Variants in LYPD6 observed in about 807,000 individuals in gnomAD.
LYPD6 encodes ly6/PLAUR domain-containing protein 6.
A neutral mutation model predicts 22.7 loss-of-function variants in LYPD6; 15 were observed. That is an observed-to-expected ratio of 0.66 (90% CI 0.44 to 1.02). The LOEUF (loss-of-function observed/expected upper bound fraction) is 1.02. Ranked by LOEUF, LYPD6 falls within the 50% of genes least tolerant of loss-of-function variation. LYPD6 has a pLI of 0.00. For synonymous variants in LYPD6, 72 were observed against 77.5 expected (o/e 0.93, Z 0.37); for missense variants, 189 against 208.4 (o/e 0.91, Z 0.57).
chr2:149,455,035 G>A (rs1476348848), intron 3 of LYPD6, among the ~76,000 whole-genome samples: 1 of 151,956 alleles, frequency 6.6e-6, no homozygotes, highest in East Asian at 1.9e-4. Context: ...TGCCTCGAGG[G>A]GAGAACAGGT....
downstream of LYPD6, among the ~76,000 whole-genome samples, chr2:149,474,916 C>A (rs1178580340): frequency 6.6e-6 from 1 of 152,068 alleles, no homozygotes; most frequent in Non-Finnish European, 1.5e-5. Context: ...TTACAGGTGT[C>A]TGCCACCACG....
chr2:149,354,969 T>C (rs1010926147), intron 1 of LYPD6, among the ~76,000 whole-genome samples: 1 of 152,192 alleles, frequency 6.6e-6, no homozygotes, highest in South Asian at 2.1e-4. Flanking sequence ...CATAGACTTA[T>C]GAGCATAGAG....
downstream of LYPD6, among the ~76,000 whole-genome samples, chr2:149,476,966 G>T (rs926118564): frequency 2.0e-5 from 3 of 152,152 alleles, no homozygotes; most frequent in Non-Finnish European, 4.4e-5. Context: ...TGGGGAGAGG[G>T]ATCATGCTTG....
At chr2:149,475,732 A>G (rs758725028), downstream of LYPD6, among the ~76,000 whole-genome samples, 12 of 152,298 alleles carry the variant, frequency 7.9e-5, no homozygotes, top group Non-Finnish European at 1.8e-4. Context: ...CCTCTTTTCT[A>G]TTACCCCAGT....
At chr2:149,397,184 A>C (rs770006686) in intron 1 of LYPD6, among the ~76,000 whole-genome samples, 1 of 152,198 alleles carries the variant, frequency 6.6e-6, no homozygotes, top group Non-Finnish European at 1.5e-5. Flanking sequence ...ATGTATTATT[A>C]TCTCTCATAG....
intron 1 of LYPD6, among the ~76,000 whole-genome samples, chr2:149,347,346 T>G (rs1681276580): frequency 6.6e-6 from 1 of 152,156 alleles, no homozygotes. Context: ...TGTATGAATT[T>G]TGGGGGACAC....
chr2:149,401,608 CTACTT>C (rs1377804458), intron 1 of LYPD6, among the ~76,000 whole-genome samples: 1 of 152,172 alleles, frequency 6.6e-6, no homozygotes, highest in Non-Finnish European at 1.5e-5. Flanking sequence ...GTGGAAATCT[CTACTT>C]TAGGAATATT....
At chr2:149,341,268 A>T (rs1213825599) in intron 1 of LYPD6, among the ~76,000 whole-genome samples, 1 of 152,098 alleles carries the variant, frequency 6.6e-6, no homozygotes, top group Non-Finnish European at 1.5e-5. Context: ...GTGTCCTTCC[A>T]TCCATTATTC....
At chr2:149,458,704 A>G (rs539669101) in intron 3 of LYPD6, among the ~76,000 whole-genome samples, 1 of 152,248 alleles carries the variant, frequency 6.6e-6, no homozygotes, top group African/African-American at 2.4e-5. Context: ...ACTTGAAACA[A>G]ATTTTTAAAA....
chr2:149,423,400 G>A lies in LYPD6; in HGVS notation c.-71-14238G>A, dbSNP rs1201518636. 3.3e-5 allele frequency among the ~76,000 whole-genome samples: 5 copies of A among 152,172 alleles called. No homozygotes were observed. In the East Asian group the frequency reaches 9.6e-4, roughly 29 times the overall value. On this transcript the variant is annotated intron_variant, in intron 1 of 4. Transcript: ENST00000334166. ...GTATCAGGCTGCATGATGAAGGGGGGAAATTTTGATAGGTGGGATGCAGAT... is the reference window on the plus strand; with the variant it reads ...GTATCAGGCTGCATGATGAAGGGGGAAAATTTTGATAGGTGGGATGCAGAT...
chr2:149,464,425 G>A (rs74399836), intron 3 of LYPD6: 2,181 of 199,358 alleles, frequency 0.011, 12 homozygotes, highest in Non-Finnish European at 0.017. Context: ...ATGTCTCAAG[G>A]TATATACGAG....
intron 1 of LYPD6, among the ~76,000 whole-genome samples, chr2:149,433,966 C>A (rs1215018232): frequency 2.0e-5 from 3 of 152,116 alleles, no homozygotes; most frequent in African/African-American, 7.2e-5. Context: ...CCCACCATTT[C>A]TTTTTATTAT....
chr2:149,474,683 T>C (rs780570419), downstream of LYPD6, among the ~76,000 whole-genome samples: 13 of 152,218 alleles, frequency 8.5e-5, no homozygotes, highest in Non-Finnish European at 1.5e-4. Context: ...CTGTCTTTAA[T>C]GTAAGTGGTA....
chr2:149,372,736 C>T (rs1292718054), intron 1 of LYPD6, among the ~76,000 whole-genome samples: 1 of 152,058 alleles, frequency 6.6e-6, no homozygotes, highest in Non-Finnish European at 1.5e-5. Context: ...TAGTAGATTC[C>T]TGTGAAGAGG....
the LYPD6 span, among the ~76,000 whole-genome samples, chr2:149,482,684 G>A: frequency 6.6e-6 from 1 of 152,146 alleles, no homozygotes; most frequent in Admixed American, 6.5e-5. Context: ...GCTGGTTTAG[G>A]GTAGTTGAGC....
intron 1 of LYPD6, among the ~76,000 whole-genome samples, chr2:149,337,166 C>G (rs1681050479): frequency 1.3e-5 from 2 of 152,174 alleles, no homozygotes; most frequent in Admixed American, 6.5e-5. Context: ...TCCTTTCTGA[C>G]TGTGTAGTGC....
chr2:149,445,704 A>G (rs1683672462), intron 2 of LYPD6, among the ~76,000 whole-genome samples: 1 of 152,186 alleles, frequency 6.6e-6, no homozygotes, highest in South Asian at 2.1e-4. Flanking sequence ...TAGGACCTTG[A>G]CTTGGATTAG....
intron 1 of LYPD6, among the ~76,000 whole-genome samples, chr2:149,423,431 G>A (rs148799287): frequency 6.6e-6 from 1 of 152,248 alleles, no homozygotes; most frequent in African/African-American, 2.4e-5. Flanking sequence ...CAGATTTGGG[G>A]TAGATTTTAA....
At chr2:149,352,116 C>T (rs1156704516) in intron 1 of LYPD6, among the ~76,000 whole-genome samples, 3 of 151,924 alleles carry the variant, frequency 2.0e-5, no homozygotes, top group Middle Eastern at 3.2e-3. Flanking sequence ...GCTTCACTTG[C>T]CATCTAAATG....
Sources: allele counts gnomAD v4.1 joint callset (sites outside exome capture counted in the v4.1 genomes callset), GRCh38; gene constraint gnomAD v4.1.1; transcripts MANE v1.5; gene names NCBI Gene and HGNC (gene_info 2026-07-23, HGNC 2026-07-21).